The following HSPA12A variants were observed in gnomAD, a reference collection of about 807,000 sequenced individuals.
The protein encoded by HSPA12A is heat shock protein family A (Hsp70) member 12A, also known as heat shock 70 kDa protein 12A.
Under a neutral mutation model 69.2 loss-of-function variants are expected in HSPA12A, and 28 were observed. That is an observed-to-expected ratio of 0.40 (90% CI 0.30 to 0.55). HSPA12A has a LOEUF of 0.55. Among genes scored for constraint, HSPA12A ranks in the 20% least tolerant of loss-of-function variants. HSPA12A has a pLI of 0.38. For synonymous variants in HSPA12A, 345 were observed against 370.5 expected (o/e 0.93, Z 0.79); for missense variants, 686 against 900.7 (o/e 0.76, Z 3.05).
upstream of HSPA12A, among the ~76,000 whole-genome samples, chr10:116,744,304 C>G (rs1554887633): frequency 6.6e-6 from 1 of 152,260 alleles, no homozygotes. Flanking sequence ...CATGGACTGC[C>G]CAACTCCAGG....
intron 9 of HSPA12A, among the ~76,000 whole-genome samples, chr10:116,680,024 C>T (rs542835947): frequency 1.3e-5 from 2 of 152,244 alleles, no homozygotes; most frequent in Non-Finnish European, 2.9e-5. Flanking sequence ...AGTTTTCACC[C>T]TTGTTGCCCA....
intron 6 of HSPA12A, among the ~76,000 whole-genome samples, chr10:116,684,981 C>T (rs782752449): frequency 3.9e-5 from 6 of 152,188 alleles, no homozygotes; most frequent in African/African-American, 9.7e-5. Flanking sequence ...CCTTGAGCTG[C>T]AGCGGGAGGC....
At chr10:116,788,844 T>C (rs1844636749) in intron 2 of HSPA12A, among the ~76,000 whole-genome samples, 1 of 151,608 alleles carries the variant, frequency 6.6e-6, no homozygotes, top group Admixed American at 6.6e-5. Flanking sequence ...GATATATCCA[T>C]CTGGTAGAAT....
At chr10:116,798,783 C>T (rs1347167821) in intron 2 of HSPA12A, among the ~76,000 whole-genome samples, 6 of 152,188 alleles carry the variant, frequency 3.9e-5, no homozygotes, top group Admixed American at 3.9e-4. Context: ...AATAATAAAT[C>T]CACTCCCAAA....
intron 1 of HSPA12A, among the ~76,000 whole-genome samples, chr10:116,846,331 CTTTTTTTT>C (rs398054763): frequency 2.1e-5 from 3 of 140,634 alleles, no homozygotes; most frequent in Non-Finnish European, 3.1e-5. Context: ...TTTTTCTTTT[CTTTTTTTT>C]TTTTGTTTTT....
chr10:116,748,659 G>A (rs567043742), intron 2 of HSPA12A, among the ~76,000 whole-genome samples: 4 of 152,300 alleles, frequency 2.6e-5, no homozygotes, highest in Admixed American at 2.0e-4. Context: ...ACAGTAAGAA[G>A]GAGCAAGTCA....
chr10:116,849,855 C>T, upstream of HSPA12A: 4 of 1,130,570 alleles, frequency 3.5e-6, no homozygotes, highest in African/African-American at 1.6e-5. Flanking sequence ...GGGCCCTGGG[C>T]CTGCGTGTGC....
At position 116,749,589 on chromosome 10, in the gene HSPA12A, A is replaced by G. The variant is rs571919261; in HGVS notation, c.92-42304T>C. ...CAGCTCCTAGCGCAGCACCTGGCAC[A>G]TGGCAGGGCCTCAAGAAACGTGTTG... On this transcript the variant is annotated intron_variant, in intron 2 of 12. Transcript: ENST00000635765. Among the ~76,000 whole-genome samples, 398 of 152,364 alleles carry G rather than the reference A, an allele frequency of 2.6e-3. 3 individuals are homozygous for G. The highest frequency in any genetic ancestry group is 8.8e-3 in the African/African-American group (366 of 41,590).
chr10:116,834,523 A>G (rs1277907164), intron 2 of HSPA12A, among the ~76,000 whole-genome samples: 13 of 152,172 alleles, frequency 8.5e-5, no homozygotes, highest in Non-Finnish European at 5.9e-5. Flanking sequence ...ATAAGTCCAG[A>G]AGAGCGAGAG....
chr10:116,784,222 C>T (rs2133141356), intron 2 of HSPA12A, among the ~76,000 whole-genome samples: 1 of 152,338 alleles, frequency 6.6e-6, no homozygotes, highest in Non-Finnish European at 1.5e-5. Flanking sequence ...TGTGGCTAGG[C>T]TGGGGCCTTG....
intron 2 of HSPA12A, among the ~76,000 whole-genome samples, chr10:116,802,631 G>C (rs1047629549): frequency 6.6e-6 from 1 of 152,226 alleles, no homozygotes; most frequent in African/African-American, 2.4e-5. Context: ...GGCATGGTGG[G>C]AGACGCCAGG....
chr10:116,804,090 G>C (rs1012816539), intron 2 of HSPA12A, among the ~76,000 whole-genome samples: 1 of 152,094 alleles, frequency 6.6e-6, no homozygotes, highest in Non-Finnish European at 1.5e-5. Context: ...CGGTCGACAG[G>C]CACATACGCA....
At chr10:116,717,631 C>CA in intron 1 of HSPA12A, among the ~76,000 whole-genome samples, 1 of 152,132 alleles carries the variant, frequency 6.6e-6, no homozygotes, top group African/African-American at 2.4e-5. Flanking sequence ...TCATGGCAAG[C>CA]ACCCGATACA....
intron 2 of HSPA12A, among the ~76,000 whole-genome samples, chr10:116,771,505 G>GA (rs1554890488): frequency 6.6e-6 from 1 of 152,364 alleles, no homozygotes; most frequent in East Asian, 1.9e-4. Flanking sequence ...TTTAAGCAAC[G>GA]AAAGAGGCCA....
chr10:116,721,666 C>T (rs912614787), intron 1 of HSPA12A, among the ~76,000 whole-genome samples: 2 of 152,176 alleles, frequency 1.3e-5, no homozygotes, highest in African/African-American at 4.8e-5. Flanking sequence ...CCCCATCCCT[C>T]CCCTCCCCGG....
At chr10:116,836,869 T>C (rs748453173) in intron 1 of HSPA12A, among the ~76,000 whole-genome samples, 39 of 152,042 alleles carry the variant, frequency 2.6e-4, no homozygotes, top group Non-Finnish European at 4.6e-4. Flanking sequence ...TCATCACCCA[T>C]GCCATTCTTC....
chr10:116,824,728 G>T (rs952503243), intron 2 of HSPA12A, among the ~76,000 whole-genome samples: 1 of 152,180 alleles, frequency 6.6e-6, no homozygotes, highest in African/African-American at 2.4e-5. Flanking sequence ...TCCGCCTGCC[G>T]GTTCAAGCAA....
At chr10:116,775,180 G>A (rs185194616) in intron 2 of HSPA12A, among the ~76,000 whole-genome samples, 40 of 152,346 alleles carry the variant, frequency 2.6e-4, no homozygotes, top group African/African-American at 8.4e-4. Context: ...AAGAACGTGC[G>A]AGTTCCTTAT....
intron 1 of HSPA12A, chr10:116,849,442 G>A (rs1429495740): frequency 3.8e-6 from 5 of 1,318,610 alleles, no homozygotes; most frequent in Admixed American, 3.1e-5. Context: ...TTTTACCGCA[G>A]GAAGAACCTA....
Sources: allele counts gnomAD v4.1 joint callset (sites outside exome capture counted in the v4.1 genomes callset), GRCh38; gene constraint gnomAD v4.1.1; transcripts MANE v1.5; gene names NCBI Gene and HGNC (gene_info 2026-07-23, HGNC 2026-07-21).